Variants in PCDH15 observed in about 807,000 individuals in gnomAD.
The protein encoded by PCDH15 is protocadherin-15.
In PCDH15, 129 loss-of-function variants were observed where a neutral mutation model predicts 178.5. The observed-to-expected ratio is 0.72, with a 90% CI of 0.63 to 0.84. PCDH15 has a LOEUF of 0.84. PCDH15 is among the 40% of genes least tolerant of loss of function. The probability of loss-of-function intolerance (pLI) is 0.00; values close to 1 mark genes in which losing one functional copy is unlikely to be tolerated. For synonymous variants in PCDH15, 800 were observed against 732.0 expected, an observed-to-expected ratio of 1.09 and a Z score of -1.50; for missense variants, 2,230 against 2,099.9, an observed-to-expected ratio of 1.06 and a Z score of -1.21.
chr10:54,125,216 T>C (rs1327478036), intron 15 of PCDH15, among the ~76,000 whole-genome samples: 1 of 152,168 alleles, frequency 6.6e-6, no homozygotes, highest in East Asian at 1.9e-4. Context: ...TTCTCGTCAT[T>C]TTCTATTTTC....
At chr10:54,858,752 T>C (rs1466191424) in intron 3 of PCDH15, among the ~76,000 whole-genome samples, 1 of 152,018 alleles carries the variant, frequency 6.6e-6, no homozygotes, top group African/African-American at 2.4e-5. Context: ...ATAAAATAAT[T>C]ATATATACAT....
chr10:54,049,773 AC>A (rs1220532513), intron 18 of PCDH15, among the ~76,000 whole-genome samples: 1 of 151,938 alleles, frequency 6.6e-6, no homozygotes, highest in Non-Finnish European at 1.5e-5. Context: ...AGCACCCGCC[AC>A]CAAGCCTGGC....
chr10:55,459,910 ATAAT>A lies in PCDH15; in HGVS notation c.-156+167711_-156+167714del, dbSNP rs1369453816. Among the ~76,000 whole-genome samples, 3 of 152,070 alleles carry A rather than the reference ATAAT, an allele frequency of 2.0e-5. No homozygotes were observed. In the East Asian group the frequency reaches 5.8e-4, roughly 29 times the overall value. On this transcript the variant is annotated intron_variant, in intron 2 of 5. Coordinates refer to the PCDH15 transcript ENST00000613346. ...ACTAAAAAAAGAAAATTATTAAAGA[ATAAT>A]TGAATGATTACACTGGAGAAAATAA...
chr10:54,199,751 G>A (rs541424997), intron 10 of PCDH15, among the ~76,000 whole-genome samples: 1 of 152,046 alleles, frequency 6.6e-6, no homozygotes, highest in African/African-American at 2.4e-5. Flanking sequence ...AAACACCTCA[G>A]TTGGAATAAG....
intron 28 of PCDH15, among the ~76,000 whole-genome samples, chr10:53,842,584 C>T (rs866387268): frequency 2.5e-4 from 38 of 152,260 alleles, no homozygotes; most frequent in African/African-American, 7.9e-4. Context: ...TAATGTACCA[C>T]ATGGGGCTGA....
chr10:54,542,971 G>C (rs1565551881), intron 2 of PCDH15, among the ~76,000 whole-genome samples: 1 of 152,150 alleles, frequency 6.6e-6, no homozygotes, highest in Non-Finnish European at 1.5e-5. Flanking sequence ...GACATAAGCG[G>C]CTCCTAGACT....
intron 2 of PCDH15, among the ~76,000 whole-genome samples, chr10:55,025,564 TTC>T (rs775460237): frequency 1.1e-4 from 17 of 152,140 alleles, no homozygotes; most frequent in Non-Finnish European, 1.8e-4. Flanking sequence ...CTTATAATTC[TTC>T]TGTGAATAAA....
At position 53,804,763 on chromosome 10, in the gene PCDH15, C is replaced by T. The variant is rs1021399371; in HGVS notation, c.*1816G>A. 1 of 151,938 alleles carries T rather than the reference C, an allele frequency of 6.6e-6. No homozygotes were observed. The highest frequency in any genetic ancestry group is 2.4e-5 in the African/African-American group (1 of 41,404). The allele number at this position is 151,938 out of a possible 1,614,324, so 9.4% of individuals were successfully genotyped here. A position where few individuals can be genotyped will look rare whatever the true frequency, so the allele number is the denominator to read the frequency against. On this transcript the variant is annotated 3_prime_UTR_variant, in exon 38 of 38. Coordinates refer to ENST00000644397, the MANE Select transcript of PCDH15 (RefSeq NM_001384140.1). ...AAGTATCCTATACTAAAAACCATTG[C>T]TTTGGTGCCTGAAGGAATAAGCCCC...
intron 15 of PCDH15, among the ~76,000 whole-genome samples, chr10:54,094,372 A>G (rs770257858): frequency 2.3e-4 from 35 of 152,200 alleles, no homozygotes; most frequent in Non-Finnish European, 4.0e-4. Flanking sequence ...GAGCAGGGTG[A>G]GGATTTACAC....
At chr10:55,234,432 G>A (rs1841316303) in intron 1 of PCDH15, among the ~76,000 whole-genome samples, 1 of 151,322 alleles carries the variant, frequency 6.6e-6, no homozygotes, top group Non-Finnish European at 1.5e-5. Flanking sequence ...TTTGAGACAG[G>A]GTCTCACTCT....
chr10:55,411,691 T>G (rs1838336070), intron 2 of PCDH15, among the ~76,000 whole-genome samples: 1 of 152,128 alleles, frequency 6.6e-6, no homozygotes, highest in Non-Finnish European at 1.5e-5. Context: ...CGAAACAGAT[T>G]TTCTTCAATT....
chr10:54,330,949 T>A (rs999070217), intron 6 of PCDH15, among the ~76,000 whole-genome samples: 2 of 151,436 alleles, frequency 1.3e-5, no homozygotes, highest in Non-Finnish European at 3.0e-5. Context: ...TGAATCTGCA[T>A]TAGATTGCTG....
chr10:54,271,409 C>A (rs1186709498), intron 8 of PCDH15, among the ~76,000 whole-genome samples: 1 of 152,002 alleles, frequency 6.6e-6, no homozygotes, highest in Non-Finnish European at 1.5e-5. Flanking sequence ...AGGGTGTCAC[C>A]AAATTGGCGA....
intron 3 of PCDH15, among the ~76,000 whole-genome samples, chr10:54,413,889 G>C (rs1391055565): frequency 2.0e-5 from 3 of 152,014 alleles, no homozygotes; most frequent in Non-Finnish European, 2.9e-5. Context: ...TGGGAGGAGG[G>C]TACTGGATGA....
At chr10:55,389,243 A>G (rs1282035065) in intron 2 of PCDH15, among the ~76,000 whole-genome samples, 1 of 152,038 alleles carries the variant, frequency 6.6e-6, no homozygotes, top group Non-Finnish European at 1.5e-5. Flanking sequence ...GGAAGAAGTG[A>G]AGACCTGTCA....
intron 2 of PCDH15, among the ~76,000 whole-genome samples, chr10:55,352,357 C>T (rs896836680): frequency 1.3e-5 from 2 of 152,110 alleles, no homozygotes; most frequent in Non-Finnish European, 2.9e-5. Flanking sequence ...GCAGAGACAA[C>T]TTCAAACATG....
At chr10:55,504,346 T>C (rs572199528) in intron 2 of PCDH15, among the ~76,000 whole-genome samples, 2 of 151,564 alleles carry the variant, frequency 1.3e-5, no homozygotes, top group East Asian at 2.0e-4. Flanking sequence ...AAGTTAATTA[T>C]TTGAAAATAT....
At chr10:55,407,142 A>C (rs920277554) in intron 2 of PCDH15, among the ~76,000 whole-genome samples, 5 of 151,946 alleles carry the variant, frequency 3.3e-5, no homozygotes, top group African/African-American at 1.2e-4. Flanking sequence ...CTGAAGATAC[A>C]TGGATGGTTT....
At chr10:54,891,838 C>T (rs1252369519) in intron 3 of PCDH15, among the ~76,000 whole-genome samples, 1 of 151,964 alleles carries the variant, frequency 6.6e-6, no homozygotes, top group East Asian at 1.9e-4. Flanking sequence ...TTACAGCCAG[C>T]AGGATTCAAA....
Sources: gnomAD v4.1 joint callset for allele counts (sites outside exome capture counted in the v4.1 genomes callset) on GRCh38, gnomAD v4.1.1 for gene constraint, MANE v1.5 for transcripts, NCBI Gene and HGNC (gene_info 2026-07-23, HGNC 2026-07-21) for gene names.